Variants in COX10 observed in about 807,000 individuals in gnomAD.
The protein encoded by COX10 is cytochrome c oxidase assembly factor heme A:farnesyltransferase COX10, also known as protoheme IX farnesyltransferase, mitochondrial.
In COX10, 27 loss-of-function variants were observed where a neutral mutation model predicts 37.3. The observed-to-expected ratio is 0.72, with a 90% CI of 0.53 to 1.00. The LOEUF (loss-of-function observed/expected upper bound fraction) is 1.00. Ranked by LOEUF, COX10 falls within the 50% of genes least tolerant of loss-of-function variation. The probability of loss-of-function intolerance (pLI) is 0.00; values close to 1 mark genes in which losing one functional copy is unlikely to be tolerated. For synonymous variants in COX10, 222 were observed against 229.1 expected (o/e 0.97, Z 0.28); for missense variants, 475 against 563.2 (o/e 0.84, Z 1.59).
chr17:14,144,013 T>C (rs1247029333), intron 4 of COX10, among the ~76,000 whole-genome samples: 2 of 152,172 alleles, frequency 1.3e-5, no homozygotes, highest in Non-Finnish European at 2.9e-5. Context: ...CCAGCTGAAA[T>C]ACTGCAACTC....
chr17:14,192,029 C>G lies in COX10; in HGVS notation c.736C>G (p.Pro246Ala). 3 of 1,614,182 alleles carry G rather than the reference C, an allele frequency of 1.9e-6. No individual in the cohort carries two copies. The highest frequency in any genetic ancestry group is 2.5e-6 in the Non-Finnish European group (3 of 1,180,044). The change falls in exon 6 of 7, where the codon CCG (proline) becomes GCG (alanine). Residue 246 changes from proline to alanine, a missense_variant. Pro to Ala is a conservative substitution (Grantham distance 27). Transcript: ENST00000261643. ...AVSFATCCAV[P>A]GVAILTLGVN... Reference sequence around the variant, plus strand: ...GTCCTTTGCCACTTGTTGTGCTGTTCCGGGAGTTGCCATTCTGACCTTGGG... The same window carrying G: ...GTCCTTTGCCACTTGTTGTGCTGTTGCGGGAGTTGCCATTCTGACCTTGGG...
intron 5 of COX10, among the ~76,000 whole-genome samples, chr17:14,183,838 C>G (rs965785553): frequency 1.3e-5 from 2 of 152,100 alleles, no homozygotes; most frequent in Admixed American, 6.5e-5. Flanking sequence ...GGAGAGTTCA[C>G]GGTAGTTACA....
intron 6 of COX10, among the ~76,000 whole-genome samples, chr17:14,193,549 C>T (rs9897536): frequency 0.38 from 52,007 of 137,750 alleles, 8,110 homozygotes; most frequent in Middle Eastern, 0.46. Context: ...AAGACTGAGG[C>T]GCCTGCAGCC....
At chr17:14,135,139 A>T (rs1027697901) in intron 4 of COX10, among the ~76,000 whole-genome samples, 1 of 151,828 alleles carries the variant, frequency 6.6e-6, no homozygotes, top group Non-Finnish European at 1.5e-5. Flanking sequence ...TTCATATTTG[A>T]ATAGGTAAAA....
At chr17:14,100,237 G>C (rs962289924) in intron 3 of COX10, among the ~76,000 whole-genome samples, 6 of 152,124 alleles carry the variant, frequency 3.9e-5, no homozygotes, top group African/African-American at 1.4e-4. Context: ...AAACTCCTCA[G>C]CTTGCTATTC....
intron 3 of COX10, among the ~76,000 whole-genome samples, chr17:14,090,793 A>G (rs1029651444): frequency 6.6e-6 from 1 of 152,142 alleles, no homozygotes; most frequent in African/African-American, 2.4e-5. Context: ...CTGCTGAATC[A>G]CTGTTACCTT....
chr17:14,085,083 T>C (rs2142188363), intron 3 of COX10, among the ~76,000 whole-genome samples: 1 of 152,336 alleles, frequency 6.6e-6, no homozygotes, highest in South Asian at 2.1e-4. Context: ...TACAATTTTA[T>C]TGGCTTTGTG....
At chr17:14,123,150 A>G (rs1567596220) in intron 4 of COX10, among the ~76,000 whole-genome samples, 2 of 152,188 alleles carry the variant, frequency 1.3e-5, no homozygotes, top group South Asian at 2.1e-4. Flanking sequence ...GTTTCACCAC[A>G]TGAGTAAAGA....
intron 3 of COX10, among the ~76,000 whole-genome samples, chr17:14,090,036 C>T (rs1462598412): frequency 6.6e-6 from 1 of 152,000 alleles, no homozygotes; most frequent in Non-Finnish European, 1.5e-5. Flanking sequence ...TTCTTCTCTC[C>T]TCTGCCTGTT....
chr17:14,096,201 G>A (rs1489541268), intron 3 of COX10, among the ~76,000 whole-genome samples: 1 of 151,852 alleles, frequency 6.6e-6, no homozygotes, highest in Non-Finnish European at 1.5e-5. Flanking sequence ...CCATTCATGA[G>A]GGCTGGGCCA....
At chr17:14,152,265 G>A (rs1904926045) in intron 4 of COX10, among the ~76,000 whole-genome samples, 1 of 152,152 alleles carries the variant, frequency 6.6e-6, no homozygotes, top group Admixed American at 6.5e-5. Flanking sequence ...GTTCCACATG[G>A]CTGGGGAGGC....
At chr17:14,097,125 T>A (rs1299440634) in intron 3 of COX10, among the ~76,000 whole-genome samples, 1 of 152,180 alleles carries the variant, frequency 6.6e-6, no homozygotes, top group East Asian at 1.9e-4. Context: ...TTAATGAGAT[T>A]TTGCTGTTAC....
chr17:14,186,799 G>A (rs2856166), intron 5 of COX10, among the ~76,000 whole-genome samples: 3,198 of 131,414 alleles, frequency 0.024, 25 homozygotes, highest in East Asian at 0.061. Context: ...GGAAAGAAGA[G>A]GCTCAGCAAG....
At chr17:14,184,889 G>A (rs1470855176) in intron 5 of COX10, among the ~76,000 whole-genome samples, 1 of 150,070 alleles carries the variant, frequency 6.7e-6, no homozygotes, top group African/African-American at 2.5e-5. Flanking sequence ...TCCAGACCAC[G>A]TGGATTCCTA....
At chr17:14,144,325 A>T (rs1904646866) in intron 4 of COX10, among the ~76,000 whole-genome samples, 1 of 152,074 alleles carries the variant, frequency 6.6e-6, no homozygotes, top group Non-Finnish European at 1.5e-5. Flanking sequence ...TAGAGAATGG[A>T]TTCCAGGGTC....
intron 4 of COX10, among the ~76,000 whole-genome samples, chr17:14,110,248 ATATG>A (rs1485462643): frequency 2.0e-5 from 3 of 152,114 alleles, no homozygotes; most frequent in Non-Finnish European, 4.4e-5. Context: ...TGTTATGAAT[ATATG>A]TATATATTTA....
At chr17:14,197,210 A>T (rs1906392500) in intron 6 of COX10, among the ~76,000 whole-genome samples, 1 of 152,170 alleles carries the variant, frequency 6.6e-6, no homozygotes, top group African/African-American at 2.4e-5. Context: ...GAGGCAGCCC[A>T]TGGGTCAGAG....
intron 3 of COX10, among the ~76,000 whole-genome samples, chr17:14,078,888 T>G (rs548810336): frequency 6.6e-6 from 1 of 152,086 alleles, no homozygotes; most frequent in Non-Finnish European, 1.5e-5. Context: ...CACCCTACCA[T>G]TGAGGCCAGT....
chr17:14,187,737 G>A (rs774128784), intron 5 of COX10, among the ~76,000 whole-genome samples: 2 of 152,226 alleles, frequency 1.3e-5, no homozygotes, highest in African/African-American at 2.4e-5. Context: ...CATAACACAA[G>A]AAAGCTCTGA....
Sources: allele counts gnomAD v4.1 joint callset (sites outside exome capture counted in the v4.1 genomes callset), GRCh38; gene constraint gnomAD v4.1.1; transcripts MANE v1.5; gene names NCBI Gene and HGNC (gene_info 2026-07-23, HGNC 2026-07-21).